Variants in MRPS9 observed in about 807,000 individuals in gnomAD.
MRPS9 encodes the protein mitochondrial ribosomal protein S9, also known as small ribosomal subunit protein uS9m.
A neutral mutation model predicts 59.9 loss-of-function variants in MRPS9; 45 were observed. The observed-to-expected ratio is 0.75, with a 90% CI of 0.59 to 0.96. The LOEUF is 0.96. MRPS9 is among the 40% of genes least tolerant of loss of function. The pLI is 0.00. For synonymous variants in MRPS9, 171 were observed against 166.8 expected (o/e 1.03, Z -0.19); for missense variants, 473 against 481.1 (o/e 0.98, Z 0.16).
chr2:105,091,144 A>G (rs1056914731), intron 7 of MRPS9, among the ~76,000 whole-genome samples: 2 of 152,120 alleles, frequency 1.3e-5, no homozygotes, highest in African/African-American at 4.8e-5. Context: ...ACAGGTGTAC[A>G]GCTATGAAAA....
chr2:105,086,902 A>G (rs1017520050), intron 5 of MRPS9, among the ~76,000 whole-genome samples: 2 of 152,106 alleles, frequency 1.3e-5, no homozygotes, highest in African/African-American at 2.4e-5. Flanking sequence ...TCCATTTCGT[A>G]TAAGTGGGGA....
chr2:105,063,094 T>C (rs775319523), intron 2 of MRPS9, among the ~76,000 whole-genome samples: 2 of 152,224 alleles, frequency 1.3e-5, no homozygotes, highest in Non-Finnish European at 2.9e-5. Context: ...AGAACATGGT[T>C]GCTTCTTTTA....
At chr2:105,042,306 G>A (rs192701651) in intron 1 of MRPS9, among the ~76,000 whole-genome samples, 9 of 152,370 alleles carry the variant, frequency 5.9e-5, no homozygotes, top group Non-Finnish European at 1.0e-4. Flanking sequence ...CTTGCAGGCT[G>A]TCGGGCTGAA....
At chr2:105,051,639 C>T (rs987910557) in intron 2 of MRPS9, among the ~76,000 whole-genome samples, 2 of 152,192 alleles carry the variant, frequency 1.3e-5, no homozygotes, top group African/African-American at 4.8e-5. Context: ...GTATTCCCAT[C>T]TTAATGTTAG....
At chr2:105,058,286 A>G (rs768351438) in intron 2 of MRPS9, among the ~76,000 whole-genome samples, 3 of 152,236 alleles carry the variant, frequency 2.0e-5, no homozygotes, top group Non-Finnish European at 4.4e-5. Flanking sequence ...CTGGTAATTT[A>G]TAAGCGAATC....
intron 1 of MRPS9, among the ~76,000 whole-genome samples, chr2:105,047,767 C>T (rs17020865): frequency 0.014 from 2,091 of 152,128 alleles, 52 homozygotes; most frequent in African/African-American, 0.048. Context: ...GCATCTTTGA[C>T]TGAAGGCGAA....
chr2:105,078,446 A>AT (rs1413006970), intron 4 of MRPS9, among the ~76,000 whole-genome samples: 1 of 151,958 alleles, frequency 6.6e-6, no homozygotes, highest in Non-Finnish European at 1.5e-5. Context: ...GATGTTTGTC[A>AT]TTTTTTATCA....
intron 2 of MRPS9, among the ~76,000 whole-genome samples, chr2:105,067,487 C>A (rs1445175677): frequency 6.6e-6 from 1 of 152,134 alleles, no homozygotes; most frequent in East Asian, 1.9e-4. Context: ...GACCACTAGA[C>A]CTCTTTATTG....
chr2:105,065,613 G>A (rs1244937373), intron 2 of MRPS9, among the ~76,000 whole-genome samples: 5 of 152,082 alleles, frequency 3.3e-5, no homozygotes, highest in Non-Finnish European at 1.5e-5. Context: ...GTTATAATAA[G>A]ACACAGTGAG....
At chr2:105,043,939 T>C (rs896270962) in intron 1 of MRPS9, among the ~76,000 whole-genome samples, 4 of 148,068 alleles carry the variant, frequency 2.7e-5, no homozygotes, top group Non-Finnish European at 6.0e-5. Flanking sequence ...GGCTGCAATT[T>C]TTTTTTTTTT....
intron 2 of MRPS9, among the ~76,000 whole-genome samples, chr2:105,053,538 T>TTTAAAAATGTTG (rs146296880): frequency 0.21 from 31,397 of 152,068 alleles, 3,305 homozygotes; most frequent in Middle Eastern, 0.35. Flanking sequence ...TAAAATATCT[T>TTTAAAAATGTTG]TTAAAGTATT....
intron 4 of MRPS9, among the ~76,000 whole-genome samples, chr2:105,078,315 A>AGTGTGTGTGT (rs71250682): frequency 0.02 from 2,889 of 147,422 alleles, 28 homozygotes; most frequent in African/African-American, 0.032. Context: ...GGTGAAGTCA[A>AGTGTGTGTGT]GTGTGTGTGT....
chr2:105,043,045 A>G (rs1394799028), intron 1 of MRPS9, among the ~76,000 whole-genome samples: 6 of 152,084 alleles, frequency 3.9e-5, no homozygotes, highest in Non-Finnish European at 5.9e-5. Context: ...TCTAACATAA[A>G]GGTTTTTTTA....
intron 2 of MRPS9, among the ~76,000 whole-genome samples, chr2:105,064,256 G>A (rs756335324): frequency 6.6e-5 from 10 of 152,094 alleles, no homozygotes; most frequent in African/African-American, 1.2e-4. Flanking sequence ...GGGAGACAGC[G>A]GTCTCATATG....
chr2:105,087,916 A>G (rs1680480943), intron 5 of MRPS9, among the ~76,000 whole-genome samples: 1 of 151,996 alleles, frequency 6.6e-6, no homozygotes, highest in Non-Finnish European at 1.5e-5. Flanking sequence ...GCAAAGGGAC[A>G]TTTCTCCTAC....
chr2:105,059,072 G>GT (rs58396321), intron 2 of MRPS9, among the ~76,000 whole-genome samples: 33,698 of 138,182 alleles, frequency 0.24, 4,052 homozygotes, highest in Middle Eastern at 0.35. Context: ...GTTCTGTGGG[G>GT]TTTTTTTTTT....
chr2:105,039,347 G>A (rs1360545168), intron 1 of MRPS9, among the ~76,000 whole-genome samples: 5 of 140,068 alleles, frequency 3.6e-5, no homozygotes, highest in African/African-American at 1.3e-4. Flanking sequence ...TGGAAAATGT[G>A]CTAGAAATTT....
At chr2:105,072,891 C>T (rs1225589249) in intron 4 of MRPS9, among the ~76,000 whole-genome samples, 1 of 152,002 alleles carries the variant, frequency 6.6e-6, no homozygotes, top group African/African-American at 2.4e-5. Context: ...TTTGTATTCC[C>T]TCAGTTCTTA....
At chr2:105,048,724 A>G (rs932812135) in intron 1 of MRPS9, among the ~76,000 whole-genome samples, 1 of 151,876 alleles carries the variant, frequency 6.6e-6, no homozygotes, top group Non-Finnish European at 1.5e-5. Context: ...CGACAGTGTA[A>G]GGTGCTCTTC....
Sources: gnomAD v4.1 joint callset for allele counts (sites outside exome capture counted in the v4.1 genomes callset) on GRCh38, gnomAD v4.1.1 for gene constraint, MANE v1.5 for transcripts, NCBI Gene and HGNC (gene_info 2026-07-23, HGNC 2026-07-21) for gene names.